The following GRAMD1C variants were observed in gnomAD, a reference collection of about 807,000 sequenced individuals.
The protein encoded by GRAMD1C is GRAM domain containing 1C, also known as protein Aster-C.
A neutral mutation model predicts 97.8 loss-of-function variants in GRAMD1C; 89 were observed. That is an observed-to-expected ratio of 0.91 (90% CI 0.77 to 1.09). GRAMD1C has a LOEUF of 1.09. Ranked by LOEUF, GRAMD1C falls within the 50% of genes least tolerant of loss-of-function variation. GRAMD1C has a pLI of 0.00. For missense variants in GRAMD1C, 740 were observed against 766.4 expected, an observed-to-expected ratio of 0.97 and a Z score of 0.41; for synonymous variants, 256 against 267.0, an observed-to-expected ratio of 0.96 and a Z score of 0.40.
At position 113,938,135 on chromosome 3, in the gene GRAMD1C, G is replaced by A. The variant is rs781017470; in HGVS notation, c.1683G>A (p.Met561Ile). 2.0e-6 allele frequency: 3 copies of A among 1,487,204 alleles called. No individual in the cohort carries two copies. The highest frequency in any genetic ancestry group is 2.8e-5 in the African/African-American group (2 of 70,536). The allele number at this position is 1,487,204 out of a possible 1,614,324, so 92.1% of individuals were successfully genotyped here. A position where few individuals can be genotyped will look rare whatever the true frequency, so the allele number is the denominator to read the frequency against. ...ATAACGTCACTCTTATTGTGGTAAT[G>A]AGTATTTTGTAAGTATTTGTTGTGA... The part of the protein sequence containing the change: ...ENYNVTLIVV[M>I]SIFVLLLVLL... Residue 561 changes from methionine to isoleucine, a missense_variant, in exon 15 of 18, where the codon ATG becomes ATA. By Grantham distance (10) the Met-to-Ile change is conservative. Coordinates refer to ENST00000358160, the MANE Select transcript of GRAMD1C (RefSeq NM_017577.5).
chr3:113,876,640 A>C (rs1489385412), intron 5 of GRAMD1C, among the ~76,000 whole-genome samples: 1 of 152,206 alleles, frequency 6.6e-6, no homozygotes, highest in Non-Finnish European at 1.5e-5. Context: ...CATAAACACT[A>C]ACCACTGTAT....
intron 1 of GRAMD1C, among the ~76,000 whole-genome samples, chr3:113,839,818 A>G (rs1709731535): frequency 1.3e-5 from 2 of 152,196 alleles, no homozygotes; most frequent in South Asian, 4.1e-4. Context: ...GAGTTAAGGA[A>G]CAGATGTACA....
chr3:113,934,371 A>C (rs1577223111), intron 12 of GRAMD1C, 61 bp from the exon 13 acceptor site: 1 of 777,670 alleles, frequency 1.3e-6, no homozygotes, highest in East Asian at 2.7e-5. Context: ...ATTTAACTGT[A>C]ACATGAATAT....
chr3:113,945,644 TCTG>T lies in GRAMD1C; in HGVS notation c.*170_*172del. ...AGTAACATTTATTTGATAATTAGTT[TCTG>T]CTGGCCTTAATAATCCATCCTTTCA... On this transcript the variant is annotated 3_prime_UTR_variant, in exon 18 of 18. Coordinates refer to ENST00000358160, the MANE Select transcript of GRAMD1C (RefSeq NM_017577.5). The T allele has an allele frequency of 1.8e-6, 1 of 559,758 alleles. No homozygotes were observed. Among genetic ancestry groups the T allele is most frequent in the Admixed American group, 3.6e-5 (1 of 27,720 alleles). The allele number at this position is 559,758 out of a possible 1,614,324, so 34.7% of individuals were successfully genotyped here. A position where few individuals can be genotyped will look rare whatever the true frequency, so the allele number is the denominator to read the frequency against.
intron 17 of GRAMD1C, among the ~76,000 whole-genome samples, chr3:113,942,134 A>G (rs527653039): frequency 1.3e-5 from 2 of 148,492 alleles, no homozygotes; most frequent in Non-Finnish European, 3.0e-5. Context: ...GGCTGGTCTC[A>G]AACTCCTGGG....
intron 6 of GRAMD1C, chr3:113,897,513 A>G (rs531308295): frequency 1.0e-6 from 1 of 984,456 alleles, no homozygotes; most frequent in Non-Finnish European, 1.2e-6. Context: ...CTGACCTGCA[A>G]CCTTGGAAAG....
chr3:113,855,658 T>A (rs1934095140), intron 2 of GRAMD1C, among the ~76,000 whole-genome samples: 1 of 149,656 alleles, frequency 6.7e-6, no homozygotes. Context: ...TGAGCTGAGA[T>A]CACACCACTG....
At chr3:113,919,452 T>C (rs1416912028) in intron 10 of GRAMD1C, 1 of 516,278 alleles carries the variant, frequency 1.9e-6, no homozygotes, top group Non-Finnish European at 3.9e-6. Context: ...CAAATGGAAC[T>C]TTACAATGAC....
intron 3 of GRAMD1C, among the ~76,000 whole-genome samples, chr3:113,872,394 T>TTC: frequency 7.4e-6 from 1 of 136,044 alleles, no homozygotes; most frequent in South Asian, 2.3e-4. Context: ...TTTTTTTCTT[T>TTC]TTTTTTTTTT....
chr3:113,894,533 C>T (rs948103939), intron 6 of GRAMD1C, among the ~76,000 whole-genome samples: 1 of 152,076 alleles, frequency 6.6e-6, no homozygotes, highest in Non-Finnish European at 1.5e-5. Context: ...CCTGCCTTGG[C>T]CCCCCAAAGT....
intron 6 of GRAMD1C, among the ~76,000 whole-genome samples, chr3:113,893,527 T>C (rs1039189765): frequency 1.1e-4 from 16 of 152,226 alleles, no homozygotes; most frequent in Non-Finnish European, 4.4e-5. Flanking sequence ...TAATATGCAT[T>C]ACAGTTACAA....
At position 113,911,696 on chromosome 3, in the gene GRAMD1C, T is replaced by TTTCCTTCCTTCCTTCCTTCTTTCTCTTCC. The variant is rs1553723609; in HGVS notation, c.952+2595_952+2596insTTTCTCTTCCTTCCTTCCTTCCTTCCTTC. Among the ~76,000 whole-genome samples, 125 of 78,824 alleles carry TTTCCTTCCTTCCTTCCTTCTTTCTCTTCC rather than the reference T, an allele frequency of 1.6e-3. 2 individuals carry two copies. The highest frequency in any genetic ancestry group is 4.9e-3 in the African/African-American group (111 of 22,796). 51.7% of individuals were successfully genotyped at this position (78,824 alleles called of 152,430 possible). A position where few individuals can be genotyped will look rare whatever the true frequency, so the allele number is the denominator to read the frequency against. ...CTCTCTCTCTTTCTCTCTCTGTTTCTTTCCTTCCTTCCTTCCTTCCTTCCT... is the reference window on the plus strand; with the variant it reads ...CTCTCTCTCTTTCTCTCTCTGTTTCTTTCCTTCCTTCCTTCCTTCTTTCTCTTCCTTCCTTCCTTCCTTCCTTCCTTCCT... On this transcript the variant is annotated intron_variant, in intron 9 of 17. Transcript: ENST00000358160.
intron 1 of GRAMD1C, among the ~76,000 whole-genome samples, chr3:113,841,553 G>A (rs1205339692): frequency 6.6e-6 from 1 of 152,140 alleles, no homozygotes; most frequent in African/African-American, 2.4e-5. Flanking sequence ...CTCCCAAAGT[G>A]CTGAGATTAC....
intron 7 of GRAMD1C, among the ~76,000 whole-genome samples, chr3:113,903,776 C>G (rs1936257457): frequency 2.0e-5 from 3 of 151,660 alleles, no homozygotes. Flanking sequence ...CTTGTGCGAT[C>G]TAGTATCTAA....
intron 8 of GRAMD1C, among the ~76,000 whole-genome samples, chr3:113,908,316 A>G (rs1936441151): frequency 6.6e-6 from 1 of 152,232 alleles, no homozygotes; most frequent in East Asian, 1.9e-4. Context: ...TAAATTTATT[A>G]TAGAGATGAC....
chr3:113,931,643 A>T (rs911678061), intron 11 of GRAMD1C, among the ~76,000 whole-genome samples: 1 of 152,150 alleles, frequency 6.6e-6, no homozygotes, highest in Non-Finnish European at 1.5e-5. Context: ...TAAAAAGAAT[A>T]CCAGGCCAGT....
At chr3:113,845,846 C>G (rs1933588136) in intron 2 of GRAMD1C, among the ~76,000 whole-genome samples, 2 of 152,144 alleles carry the variant, frequency 1.3e-5, no homozygotes, top group Non-Finnish European at 2.9e-5. Context: ...TACCATCATT[C>G]TGTTCATAAT....
At chr3:113,941,165 G>C (rs1241466496) in intron 17 of GRAMD1C, among the ~76,000 whole-genome samples, 1 of 152,136 alleles carries the variant, frequency 6.6e-6, no homozygotes, top group Non-Finnish European at 1.5e-5. Flanking sequence ...AATATTTTAA[G>C]AGTTCACCTA....
At chr3:113,882,355 C>T (rs142321205) in intron 5 of GRAMD1C, among the ~76,000 whole-genome samples, 2 of 151,930 alleles carry the variant, frequency 1.3e-5, no homozygotes, top group East Asian at 3.9e-4. Flanking sequence ...TTTCTTATTC[C>T]TTTGTGTATA....
Sources: gnomAD v4.1 joint callset for allele counts (sites outside exome capture counted in the v4.1 genomes callset) on GRCh38, gnomAD v4.1.1 for gene constraint, MANE v1.5 for transcripts, NCBI Gene and HGNC (gene_info 2026-07-23, HGNC 2026-07-21) for gene names.